Variants in TTC28 observed in about 807,000 individuals in gnomAD.
The protein encoded by TTC28 is tetratricopeptide repeat domain 28, also known as tetratricopeptide repeat protein 28.
In TTC28, 61 loss-of-function variants were observed where a neutral mutation model predicts 198.0. The observed-to-expected ratio is 0.31, with a 90% CI of 0.25 to 0.38. The LOEUF (loss-of-function observed/expected upper bound fraction) is 0.38, where lower values mean the gene tolerates loss of function less well. Ranked by LOEUF, TTC28 falls within the 10% of genes least tolerant of loss-of-function variation. The pLI is 1.00. For missense variants in TTC28, 2,678 were observed against 3,164.0 expected (o/e 0.85, Z 3.69); for synonymous variants, 1,171 against 1,297.8 (o/e 0.90, Z 2.10).
chr22:28,672,186 GT>G (rs2051898376), intron 1 of TTC28, among the ~76,000 whole-genome samples: 1 of 151,688 alleles, frequency 6.6e-6, no homozygotes, highest in Non-Finnish European at 1.5e-5. Flanking sequence ...TTTTTGGGTT[GT>G]TTTGTTTTGA....
intron 2 of TTC28, among the ~76,000 whole-genome samples, chr22:28,415,995 C>T (rs2047162695): frequency 6.6e-6 from 1 of 152,320 alleles, no homozygotes; most frequent in East Asian, 1.9e-4. Flanking sequence ...AGGCATTGAA[C>T]TTTCAGAAAA....
intron 14 of TTC28, among the ~76,000 whole-genome samples, chr22:28,008,824 T>G (rs1938024931): frequency 1.3e-5 from 2 of 152,166 alleles, no homozygotes; most frequent in South Asian, 4.1e-4. Flanking sequence ...GCCACAAGTT[T>G]GCTGCTGAGG....
intron 5 of TTC28, among the ~76,000 whole-genome samples, chr22:28,235,800 T>C (rs541617727): frequency 6.6e-6 from 1 of 152,306 alleles, no homozygotes; most frequent in Non-Finnish European, 1.5e-5. Context: ...GGATCATAGA[T>C]TAAAATGTAA....
intron 2 of TTC28, among the ~76,000 whole-genome samples, chr22:28,371,810 G>A (rs945477338): frequency 1.0e-4 from 15 of 147,614 alleles, no homozygotes; most frequent in South Asian, 2.2e-4. Context: ...TTGAACTCCC[G>A]ATCTCGTGAT....
intron 2 of TTC28, among the ~76,000 whole-genome samples, chr22:28,595,364 A>G (rs979103063): frequency 3.3e-5 from 5 of 152,218 alleles, no homozygotes; most frequent in African/African-American, 1.2e-4. Flanking sequence ...TTTAATGTAA[A>G]ATATGAAGCA....
At chr22:28,596,338 G>A (rs2050543620) in intron 2 of TTC28, among the ~76,000 whole-genome samples, 1 of 152,108 alleles carries the variant, frequency 6.6e-6, no homozygotes, top group African/African-American at 2.4e-5. Context: ...TCACAGAGGT[G>A]GGCAGAGACC....
intron 12 of TTC28, among the ~76,000 whole-genome samples, chr22:28,051,612 T>C (rs1041943317): frequency 3.3e-5 from 5 of 152,182 alleles, no homozygotes; most frequent in African/African-American, 9.7e-5. Context: ...TTCCTGTCTT[T>C]TTCTGCCACA....
At chr22:28,506,763 G>T (rs1420672835) in intron 2 of TTC28, among the ~76,000 whole-genome samples, 1 of 152,170 alleles carries the variant, frequency 6.6e-6, no homozygotes, top group African/African-American at 2.4e-5. Context: ...TCCAGGCATG[G>T]GAAAAGCCCA....
intron 5 of TTC28, among the ~76,000 whole-genome samples, chr22:28,275,393 G>A (rs1462543024): frequency 6.6e-6 from 1 of 152,096 alleles, no homozygotes; most frequent in Middle Eastern, 3.2e-3. Context: ...TTAATAATTT[G>A]GTAGTTGTTT....
In TTC28 at chr22:27,988,536, C is replaced by T. The variant is rs1435004127; in HGVS notation, c.5707+1342G>A. ...CTCCCAACCTCAGGTGATCCACCCACCTCAGCCTCCCAAAGTGCTGGGATT... is the reference window on the plus strand; with the variant it reads ...CTCCCAACCTCAGGTGATCCACCCATCTCAGCCTCCCAAAGTGCTGGGATT... On this transcript the variant is annotated intron_variant, in intron 21 of 22. Transcript: ENST00000397906. Among the ~76,000 whole-genome samples the T allele has an allele frequency of 2.0e-5, 3 of 152,036 alleles. No individual in the cohort carries two copies. The South Asian group carries it at 6.2e-4, about 31-fold the overall frequency.
At chr22:28,383,096 G>A (rs932408949) in intron 2 of TTC28, among the ~76,000 whole-genome samples, 3 of 151,952 alleles carry the variant, frequency 2.0e-5, no homozygotes, top group Non-Finnish European at 4.4e-5. Context: ...ATAATTCCAG[G>A]TAAGAAGTAC....
intron 2 of TTC28, among the ~76,000 whole-genome samples, chr22:28,315,052 T>G (rs2045330793): frequency 6.6e-6 from 1 of 152,140 alleles, no homozygotes; most frequent in South Asian, 2.1e-4. Flanking sequence ...GGCAGATACC[T>G]TGCATTAATA....
At chr22:28,054,027 AGGGGGTGATCT>A in intron 12 of TTC28, among the ~76,000 whole-genome samples, 1 of 152,334 alleles carries the variant, frequency 6.6e-6, no homozygotes, top group Admixed American at 6.5e-5. Context: ...AGTGAGTCAG[AGGGGGTGATCT>A]GGGTTAGGAA....
chr22:28,422,646 C>G (rs962019693), intron 2 of TTC28, among the ~76,000 whole-genome samples: 1 of 151,790 alleles, frequency 6.6e-6, no homozygotes, highest in East Asian at 1.9e-4. Flanking sequence ...GGGGTTTCAC[C>G]GTGTTAGCCA....
chr22:28,618,059 G>A (rs2050930322), intron 2 of TTC28, among the ~76,000 whole-genome samples: 1 of 152,062 alleles, frequency 6.6e-6, no homozygotes, highest in Non-Finnish European at 1.5e-5. Flanking sequence ...GATCATCTGA[G>A]GTCAGAAGTT....
At chr22:28,578,235 CA>C (rs1230294663) in intron 2 of TTC28, among the ~76,000 whole-genome samples, 1 of 151,980 alleles carries the variant, frequency 6.6e-6, no homozygotes, top group Non-Finnish European at 1.5e-5. Flanking sequence ...AATAAATAAG[CA>C]AAGAGAAAAC....
intron 2 of TTC28, among the ~76,000 whole-genome samples, chr22:28,321,673 T>C (rs1476940994): frequency 6.6e-6 from 1 of 152,188 alleles, no homozygotes; most frequent in African/African-American, 2.4e-5. Context: ...CAGTGTCTAG[T>C]ACAGAGTAGC....
chr22:28,014,249 C>G lies in TTC28; in HGVS notation c.4217G>C (p.Gly1406Ala), dbSNP rs1261752290. Reference sequence around the variant, plus strand: ...CTTGTGCCCCCAGGAGGTGCTTACCCCTTCCATGGGCGCGATGAGCAGGTC... The same window carrying G: ...CTTGTGCCCCCAGGAGGTGCTTACCGCTTCCATGGGCGCGATGAGCAGGTC... ...LYDLLIAPMEGGLMHSSGPVG... is the reference protein window; with the variant it reads ...LYDLLIAPMEAGLMHSSGPVG... Residue 1406 changes from glycine to alanine, a missense_variant and splice_region_variant, in exon 14 of 23, where the codon GGG (glycine) becomes GCG (alanine). Gly to Ala is a moderately conservative substitution (Grantham distance 60). Coordinates refer to ENST00000397906, the MANE Select transcript of TTC28 (RefSeq NM_001145418.2). 6.5e-7 allele frequency: 1 copy of G among 1,550,058 alleles called. No homozygotes were observed. Among genetic ancestry groups the G allele is most frequent in the Non-Finnish European group, 8.7e-7 (1 of 1,146,218 alleles).
intron 3 of TTC28, among the ~76,000 whole-genome samples, chr22:28,305,553 C>A (rs2045126749): frequency 6.6e-6 from 1 of 152,096 alleles, no homozygotes; most frequent in African/African-American, 2.4e-5. Flanking sequence ...CGAACATTTT[C>A]AAAACTAGAT....
Sources: gnomAD v4.1 joint callset for allele counts (sites outside exome capture counted in the v4.1 genomes callset) on GRCh38, gnomAD v4.1.1 for gene constraint, MANE v1.5 for transcripts, NCBI Gene and HGNC (gene_info 2026-07-23, HGNC 2026-07-21) for gene names.